XPO6: variants seen among roughly 807,000 people sequenced by gnomAD.
XPO6 encodes the protein exportin-6.
Under a neutral mutation model 130.0 loss-of-function variants are expected in XPO6, and 3 were observed. The observed-to-expected ratio is 0.02, with a 90% CI of 0.01 to 0.06. The LOEUF is 0.06. Among genes scored for constraint, XPO6 ranks in the 10% least tolerant of loss-of-function variants. The probability of loss-of-function intolerance (pLI) is 1.00; values close to 1 mark genes in which losing one functional copy is unlikely to be tolerated. For synonymous variants in XPO6, 524 were observed against 548.9 expected (o/e 0.95, Z 0.63); for missense variants, 970 against 1,393.0 (o/e 0.70, Z 4.83).
At chr16:28,157,182 C>A (rs1050172693) in intron 6 of XPO6, among the ~76,000 whole-genome samples, 1 of 152,110 alleles carries the variant, frequency 6.6e-6, no homozygotes, top group African/African-American at 2.4e-5. Context: ...CAAGGCTGGG[C>A]GCGGTGGCTC....
intron 20 of XPO6, 121 bp from the exon 21 acceptor site, chr16:28,104,828 C>G (rs558154616): frequency 8.9e-7 from 1 of 1,118,130 alleles, no homozygotes; most frequent in Admixed American, 2.3e-5. Context: ...ACACTCCATC[C>G]ACATGCCTGT....
chr16:28,146,980 G>C (rs183994933), intron 8 of XPO6, among the ~76,000 whole-genome samples: 1 of 152,250 alleles, frequency 6.6e-6, no homozygotes, highest in East Asian at 1.9e-4. Context: ...TATGCATTCA[G>C]GTTCAACTTG....
At chr16:28,185,116 C>G (rs1596950695) in intron 1 of XPO6, among the ~76,000 whole-genome samples, 1 of 152,154 alleles carries the variant, frequency 6.6e-6, no homozygotes, top group South Asian at 2.1e-4. Flanking sequence ...TGCAACAACA[C>G]AGATGAATCT....
chr16:28,174,880 A>G (rs1306829103), intron 4 of XPO6, among the ~76,000 whole-genome samples: 1 of 152,118 alleles, frequency 6.6e-6, no homozygotes, highest in African/African-American at 2.4e-5. Context: ...AATGTTTCCA[A>G]CTTGATCACA....
At chr16:28,161,532 T>A (rs912045029) in intron 6 of XPO6, among the ~76,000 whole-genome samples, 2 of 151,860 alleles carry the variant, frequency 1.3e-5, no homozygotes, top group Non-Finnish European at 1.5e-5. Context: ...GTCCCTAGCA[T>A]GTGGCTCAGA....
chr16:28,195,997 G>A (rs966503657), intron 1 of XPO6, among the ~76,000 whole-genome samples: 3 of 152,160 alleles, frequency 2.0e-5, no homozygotes, highest in Non-Finnish European at 4.4e-5. Flanking sequence ...CAAGGTAAAT[G>A]CCTAGAAGTT....
intron 4 of XPO6, chr16:28,173,074 G>A (rs1204585155): frequency 6.6e-6 from 1 of 152,136 alleles, no homozygotes; most frequent in Admixed American, 6.5e-5. Context: ...CCTTCTATTA[G>A]GTATTAGAAG....
chr16:28,110,611 C>T (rs1352443382), intron 17 of XPO6, among the ~76,000 whole-genome samples: 1 of 152,184 alleles, frequency 6.6e-6, no homozygotes, highest in South Asian at 2.1e-4. Flanking sequence ...AGATAAAGTG[C>T]GGAAAGGAGA....
chr16:28,138,546 C>T (rs989113041), intron 9 of XPO6, among the ~76,000 whole-genome samples: 2 of 152,120 alleles, frequency 1.3e-5, no homozygotes, highest in Non-Finnish European at 2.9e-5. Context: ...CCCAAAGTGT[C>T]ATGTGGGAGG....
rs1011203981 is a variant in XPO6, at chr16:28,101,544, C to A, written c.3190G>T (p.Ala1064Ser). The stretch of plus-strand genomic sequence containing the variant: ...CTGGTCAGGAACTCTGGGAGGAAGG[C>A]GGCAAAGAAGCCATCAAAGTCGACT... ...ASVDFDGFFA[A>S]FLPEFLTSCD... Residue 1064 changes from alanine (A) to serine (S), a missense_variant, in exon 23 of 24, where the codon GCC becomes TCC. Ala to Ser is a moderately conservative substitution (Grantham distance 99). Transcript: ENST00000304658. The surrounding 1 kb of genome is among the most constrained non-coding windows in gnomAD (Gnocchi z 5.4). The A allele has an allele frequency of 1.9e-6, 3 of 1,614,132 alleles. No homozygotes were observed. The highest frequency in any genetic ancestry group is 1.7e-5 in the Admixed American group (1 of 60,016).
chr16:28,205,739 A>G (rs974059943), intron 1 of XPO6, among the ~76,000 whole-genome samples: 2 of 151,998 alleles, frequency 1.3e-5, no homozygotes, highest in African/African-American at 2.4e-5. Flanking sequence ...TAAAACATGA[A>G]ATGAAAGCTG....
At chr16:28,196,465 GAA>G (rs1397641899) in intron 1 of XPO6, among the ~76,000 whole-genome samples, 1 of 152,186 alleles carries the variant, frequency 6.6e-6, no homozygotes, top group Non-Finnish European at 1.5e-5. Flanking sequence ...CTGGAGTGAT[GAA>G]AAAGTGTGAA....
intron 17 of XPO6, among the ~76,000 whole-genome samples, chr16:28,110,359 C>T (rs1227539835): frequency 1.3e-5 from 2 of 152,212 alleles, no homozygotes; most frequent in African/African-American, 4.8e-5. Flanking sequence ...GTGTTAGTTT[C>T]AGGCAAGACC....
In XPO6 at chr16:28,163,063, G is replaced by A. The variant is rs78145052; in HGVS notation, c.643+3445C>T. ...AGATGCCAATAGCACTTCTCCAGTCGCGTTAACCTAAATTTCTCCAGACAC... is the reference window on the plus strand; with the variant it reads ...AGATGCCAATAGCACTTCTCCAGTCACGTTAACCTAAATTTCTCCAGACAC... On this transcript the variant is annotated intron_variant, in intron 6 of 23. Transcript: ENST00000304658. 0.016 allele frequency among the ~76,000 whole-genome samples: 2,359 copies of A among 152,096 alleles called. 231 individuals carry two copies. The East Asian group carries it at 0.26, about 17-fold the overall frequency.
At chr16:28,159,389 T>C (rs186102404) in intron 6 of XPO6, among the ~76,000 whole-genome samples, 12 of 152,130 alleles carry the variant, frequency 7.9e-5, no homozygotes, top group African/African-American at 2.4e-4. Flanking sequence ...GAGGAAGCAG[T>C]GTAGGCAGAA....
intron 1 of XPO6, among the ~76,000 whole-genome samples, chr16:28,188,927 T>C (rs1169810501): frequency 2.0e-5 from 3 of 152,110 alleles, no homozygotes; most frequent in African/African-American, 2.4e-5. Context: ...CGGTCACTAC[T>C]GCTCTTTTGC....
At chr16:28,183,869 C>T (rs1026929807) in intron 1 of XPO6, among the ~76,000 whole-genome samples, 5 of 151,846 alleles carry the variant, frequency 3.3e-5, no homozygotes, top group African/African-American at 7.3e-5. Flanking sequence ...AATGTATAGG[C>T]GGGAAAAATC....
Position 28,211,457 on chromosome 16 carries a change from A to C in XPO6, c.-89T>G. The stretch of plus-strand genomic sequence containing the variant: ...ACAGTTCAGGTCATGGTCCCGGCAG[A>C]CTCGGGAAGTCCCCCACCCATGCAA... On this transcript the variant is annotated 5_prime_UTR_variant, in exon 1 of 24. Transcript: ENST00000304658. The C allele has an allele frequency of 7.8e-7, 1 of 1,283,494 alleles. No homozygotes were observed. Among genetic ancestry groups the C allele is most frequent in the Non-Finnish European group, 1.0e-6 (1 of 1,002,596 alleles). The allele number at this position is 1,283,494 out of a possible 1,614,324, so 79.5% of individuals were successfully genotyped here.
rs755777803 is a variant in XPO6 at position 28,125,714 on chromosome 16, T to C, written c.1741A>G (p.Asn581Asp). The change falls in exon 13 of 24, where the codon AAT becomes GAT. Residue 581 changes from asparagine to aspartate, a missense_variant. This residue lies in a region of XPO6 where 936 missense variants were observed against 1,306.8 expected (regional missense o/e 0.72). Transcript: ENST00000304658. ...FIGDVFAARF[N>D]DALTVVERLV... ...CTTTCCACGACTGTGAGGGCATCAT[T>C]GAACCGTGCAGCAAACACATCCCCG... is the stretch of plus-strand genomic sequence containing the variant. 1.9e-6 allele frequency: 3 copies of C among 1,614,114 alleles called. No individual in the cohort carries two copies. The highest frequency in any genetic ancestry group is 1.7e-5 in the Admixed American group (1 of 60,010).
Sources: allele counts gnomAD v4.1 joint callset (sites outside exome capture counted in the v4.1 genomes callset), GRCh38; gene constraint gnomAD v4.1.1; regional missense constraint gnomAD v4.1.1; non-coding constraint Gnocchi (gnomAD v3.1); transcripts MANE v1.5; gene names NCBI Gene and HGNC (gene_info 2026-07-23, HGNC 2026-07-21).